ATAD2B: variants seen among roughly 807,000 people sequenced by gnomAD.
ATAD2B encodes the protein ATPase family AAA domain containing 2B, also known as ATPase family AAA domain-containing protein 2B.
ATAD2B carries 40 observed loss-of-function variants against 167.6 expected under a neutral mutation model. The ratio of observed to expected loss-of-function variants is 0.24; its 90% confidence interval spans 0.19 to 0.31. The LOEUF (loss-of-function observed/expected upper bound fraction) is 0.31. Among genes scored for constraint, ATAD2B ranks in the 10% least tolerant of loss-of-function variants. The pLI, the probability that ATAD2B is intolerant of heterozygous loss-of-function variation, is 1.00. For missense variants in ATAD2B, 1,242 were observed against 1,757.2 expected, an observed-to-expected ratio of 0.71 and a Z score of 5.24; for synonymous variants, 579 against 596.5, an observed-to-expected ratio of 0.97 and a Z score of 0.43.
At position 23,863,233 on chromosome 2, in the gene ATAD2B, C is replaced by T. The variant is rs1244270296; in HGVS notation, c.1479+148G>A. The T allele has an allele frequency of 4.2e-6, 3 of 713,028 alleles. No individual in the cohort carries two copies. In the African/African-American group the frequency reaches 5.5e-5, roughly 13 times the overall value. The allele number at this position is 713,028 out of a possible 1,614,324, so 44.2% of individuals were successfully genotyped here. On this transcript the variant is annotated intron_variant, in intron 12 of 27. Coordinates refer to ENST00000238789, the MANE Select transcript of ATAD2B (RefSeq NM_017552.4). ...CTGATGCAGGAGAATTGCTAGAGCC[C>T]TGGATGTCAAGACAGTAGTGAGACG...
chr2:23,738,340 C>T, the ATAD2B span, among the ~76,000 whole-genome samples: 1 of 152,238 alleles, frequency 6.6e-6, no homozygotes, highest in Non-Finnish European at 1.5e-5. Flanking sequence ...ATCAGACTAA[C>T]AGCTGATCTC....
At chr2:23,772,215 G>C (rs748021131) in intron 22 of ATAD2B, among the ~76,000 whole-genome samples, 1 of 152,122 alleles carries the variant, frequency 6.6e-6, no homozygotes, top group South Asian at 2.1e-4. Context: ...AAAAGAAGAA[G>C]TCTCCTGGTG....
intron 7 of ATAD2B, among the ~76,000 whole-genome samples, 199 bp from the exon 8 acceptor site, chr2:23,876,103 C>T (rs1696785970): frequency 6.6e-6 from 1 of 151,860 alleles, no homozygotes; most frequent in Non-Finnish European, 1.5e-5. Context: ...GAGCGATTCT[C>T]CTACCTCAGC....
intron 4 of ATAD2B, among the ~76,000 whole-genome samples, chr2:23,887,290 G>A (rs141423755): frequency 1.9e-4 from 29 of 152,068 alleles, no homozygotes; most frequent in Middle Eastern, 3.4e-3. Flanking sequence ...TTGAACTCCC[G>A]GGCACAGGAT....
At chr2:23,859,769 G>A (rs1166864595) in intron 12 of ATAD2B, among the ~76,000 whole-genome samples, 1 of 151,954 alleles carries the variant, frequency 6.6e-6, no homozygotes, top group East Asian at 1.9e-4. Flanking sequence ...TCAACATGGT[G>A]AAACGCCGTC....
At chr2:23,796,118 G>A (rs1374447059) in intron 19 of ATAD2B, among the ~76,000 whole-genome samples, 1 of 152,102 alleles carries the variant, frequency 6.6e-6, no homozygotes, top group Non-Finnish European at 1.5e-5. Context: ...GGGAACAGAG[G>A]AGAATTTCCT....
intron 19 of ATAD2B, among the ~76,000 whole-genome samples, chr2:23,795,418 G>C (rs1040453242): frequency 6.6e-6 from 1 of 151,976 alleles, no homozygotes; most frequent in Admixed American, 6.6e-5. Flanking sequence ...TTTTTCCTCT[G>C]AGAATTGGTT....
intron 2 of ATAD2B, among the ~76,000 whole-genome samples, chr2:23,895,316 T>C (rs1700029685): frequency 6.6e-6 from 1 of 152,044 alleles, no homozygotes; most frequent in Non-Finnish European, 1.5e-5. Context: ...AGAGTAAATG[T>C]CGGTAATTTA....
intron 12 of ATAD2B, among the ~76,000 whole-genome samples, chr2:23,862,566 G>A (rs1428617477): frequency 1.3e-5 from 2 of 151,992 alleles, no homozygotes; most frequent in East Asian, 1.9e-4. Context: ...GTCAGCCACT[G>A]TGCCCAGCTG....
At chr2:23,787,311 A>G (rs1680973308) in intron 20 of ATAD2B, among the ~76,000 whole-genome samples, 1 of 152,082 alleles carries the variant, frequency 6.6e-6, no homozygotes, top group Non-Finnish European at 1.5e-5. Context: ...ATGAAAAGTG[A>G]AAGTCAACAG....
chr2:23,822,637 C>CG (rs1363272547), intron 16 of ATAD2B, among the ~76,000 whole-genome samples: 1 of 148,022 alleles, frequency 6.8e-6, no homozygotes, highest in Non-Finnish European at 1.5e-5. Context: ...ATTAACAGGC[C>CG]GGGCGGGGTG....
chr2:23,924,276 T>C (rs1169081804), intron 1 of ATAD2B, among the ~76,000 whole-genome samples: 2 of 152,166 alleles, frequency 1.3e-5, no homozygotes. Context: ...CAGGAATACA[T>C]TTCTTTCTAC....
At position 23,834,067 on chromosome 2, in the gene ATAD2B, G is replaced by T; in HGVS notation, c.1580C>A (p.Ser527Ter). Residue 527 changes from serine (S) to a stop codon, truncating the protein, a stop_gained, in exon 14 of 28, where the codon TCA (serine) becomes TAA (stop). Transcript: ENST00000238789. LOFTEE classifies it high-confidence loss of function. ...TCCATCCATAAGAGCAAGGAGGGTTGATACTATAGAGCTGTAAAATAATTT... is the reference window on the plus strand; with the variant it reads ...TCCATCCATAAGAGCAAGGAGGGTTTATACTATAGAGCTGTAAAATAATTT... The part of the protein sequence containing the change: ...RQDQIHSSIV[S>*]TLLALMDGLD... The T allele has an allele frequency of 2.0e-6, 3 of 1,530,054 alleles. No homozygotes were observed. Among genetic ancestry groups the T allele is most frequent in the South Asian group, 2.3e-5 (2 of 86,858 alleles). The allele number at this position is 1,530,054 out of a possible 1,614,324, so 94.8% of individuals were successfully genotyped here.
At chr2:23,856,984 G>A (rs1693524915) in intron 13 of ATAD2B, among the ~76,000 whole-genome samples, 1 of 151,472 alleles carries the variant, frequency 6.6e-6, no homozygotes, top group Non-Finnish European at 1.5e-5. Context: ...TGACTGGGGA[G>A]GATGGTTTGA....
intron 27 of ATAD2B, 114 bp downstream of exon 27, chr2:23,754,065 C>A: frequency 1.2e-6 from 1 of 817,958 alleles, no homozygotes; most frequent in East Asian, 3.3e-5. Context: ...TCAAAACATT[C>A]TTCAGCTACT....
At chr2:23,713,072 T>C in the ATAD2B span, among the ~76,000 whole-genome samples, 1 of 152,268 alleles carries the variant, frequency 6.6e-6, no homozygotes, top group African/African-American at 2.4e-5. Context: ...TACAGATGAC[T>C]GAAGAAGTAT....
chr2:23,765,402 A>G (rs1677273814), intron 23 of ATAD2B, 104 bp downstream of exon 23: 2 of 946,602 alleles, frequency 2.1e-6, no homozygotes, highest in Non-Finnish European at 2.9e-6. Flanking sequence ...CATTAAATAC[A>G]TTACTTTCAT....
At chr2:23,886,782 T>C (rs1288037209) in intron 4 of ATAD2B, among the ~76,000 whole-genome samples, 1 of 151,228 alleles carries the variant, frequency 6.6e-6, no homozygotes, top group Non-Finnish European at 1.5e-5. Flanking sequence ...ATACAAAAAA[T>C]TAGCCAGGCA....
At chr2:23,709,173 C>G in the ATAD2B span, among the ~76,000 whole-genome samples, 4 of 152,120 alleles carry the variant, frequency 2.6e-5, no homozygotes, top group Non-Finnish European at 4.4e-5. Flanking sequence ...TCCTGAGTAG[C>G]TGGGATTACA....
Sources: gnomAD v4.1 joint callset for allele counts (sites outside exome capture counted in the v4.1 genomes callset) on GRCh38, gnomAD v4.1.1 for gene constraint, MANE v1.5 for transcripts, NCBI Gene and HGNC (gene_info 2026-07-23, HGNC 2026-07-21) for gene names.